Variants in AGBL1 observed in about 807,000 individuals in gnomAD.
The protein encoded by AGBL1 is cytosolic carboxypeptidase 4.
Under a neutral mutation model 118.9 loss-of-function variants are expected in AGBL1, and 130 were observed. The observed-to-expected ratio is 1.09, with a 90% CI of 0.95 to 1.26. The LOEUF is 1.26. Ranked by LOEUF, AGBL1 falls within the 50% of genes most tolerant of loss-of-function variation. The probability of loss-of-function intolerance (pLI) is 0.00; values close to 1 mark genes in which losing one functional copy is unlikely to be tolerated. For synonymous variants in AGBL1, 555 were observed against 478.9 expected, an observed-to-expected ratio of 1.16 and a Z score of -2.08; for missense variants, 1,584 against 1,298.1, an observed-to-expected ratio of 1.22 and a Z score of -3.38.
At chr15:87,012,485 A>T (rs930181546) in intron 24 of AGBL1, among the ~76,000 whole-genome samples, 11 of 152,134 alleles carry the variant, frequency 7.2e-5, no homozygotes, top group Non-Finnish European at 1.3e-4. Context: ...GTTAAGACAT[A>T]ATCATTTTAC....
At chr15:86,149,067 A>C (rs143059913) in intron 3 of AGBL1, among the ~76,000 whole-genome samples, 1,970 of 152,326 alleles carry the variant, frequency 0.013, 25 homozygotes, top group East Asian at 0.062. Context: ...TTTTACAGAC[A>C]AGAAAATGCT....
At chr15:86,196,711 A>G (rs773693736) in intron 5 of AGBL1, among the ~76,000 whole-genome samples, 1 of 152,078 alleles carries the variant, frequency 6.6e-6, no homozygotes, top group Non-Finnish European at 1.5e-5. Flanking sequence ...CTAACCCCCA[A>G]TGTTACTGTA....
chr15:86,432,526 T>C (rs1416970675), intron 18 of AGBL1, among the ~76,000 whole-genome samples: 5 of 152,370 alleles, frequency 3.3e-5, no homozygotes, highest in Admixed American at 2.6e-4. Flanking sequence ...TTGTATTCTA[T>C]TAAGAGAGCT....
intron 5 of AGBL1, among the ~76,000 whole-genome samples, chr15:86,218,301 G>T (rs1235696414): frequency 6.6e-6 from 1 of 152,146 alleles, no homozygotes; most frequent in Admixed American, 6.5e-5. Context: ...AAGGGTGCAT[G>T]TTCAACTTCT....
At chr15:86,342,542 C>T (rs200715807) in intron 17 of AGBL1, among the ~76,000 whole-genome samples, 2 of 152,096 alleles carry the variant, frequency 1.3e-5, no homozygotes, top group Non-Finnish European at 1.5e-5. Context: ...CATGTGGATG[C>T]CTGCTGTTTA....
At chr15:86,230,671 G>C (rs75144600) in intron 6 of AGBL1, among the ~76,000 whole-genome samples, 1 of 152,216 alleles carries the variant, frequency 6.6e-6, no homozygotes, top group Non-Finnish European at 1.5e-5. Flanking sequence ...CTTCAAGGCT[G>C]TCTCATCCAG....
In AGBL1 at chr15:86,735,037, AGTG is replaced by A. The variant is rs1288237404; in HGVS notation, c.3158+60602_3158+60604del. Among the ~76,000 whole-genome samples, 1,097 of 152,018 alleles carry A rather than the reference AGTG, an allele frequency of 7.2e-3. 5 individuals carry two copies. The highest frequency in any genetic ancestry group is 0.023 in the African/African-American group (932 of 41,420). On this transcript the variant is annotated intron_variant, in intron 22 of 22. Coordinates refer to ENST00000614907, the MANE Select transcript of AGBL1 (RefSeq NM_001386094.1). ...TGATATGTTCATAGGCATCATACTC[AGTG>A]TGAAATAAAGATGTTGTTTCTTGGC...
At chr15:86,518,847 G>A (rs1055179493) in intron 18 of AGBL1, among the ~76,000 whole-genome samples, 6 of 151,662 alleles carry the variant, frequency 4.0e-5, no homozygotes, top group Middle Eastern at 3.4e-3. Context: ...CATTTGTTGA[G>A]AGAGTTACAG....
At chr15:86,784,447 A>G (rs1567172548) in intron 22 of AGBL1, among the ~76,000 whole-genome samples, 1 of 152,218 alleles carries the variant, frequency 6.6e-6, no homozygotes, top group East Asian at 1.9e-4. Context: ...TTTACTGTGA[A>G]TAAAAATCCC....
At chr15:86,818,466 T>C (rs1267952162) in intron 22 of AGBL1, among the ~76,000 whole-genome samples, 1 of 152,196 alleles carries the variant, frequency 6.6e-6, no homozygotes, top group Admixed American at 6.5e-5. Flanking sequence ...TAATGCCTAA[T>C]GATCTGAGGT....
intron 17 of AGBL1, among the ~76,000 whole-genome samples, chr15:86,359,821 A>G (rs948288479): frequency 6.6e-6 from 1 of 151,858 alleles, no homozygotes; most frequent in African/African-American, 2.4e-5. Context: ...TGCTGCTATT[A>G]TGAGTGGGGT....
In AGBL1 at chr15:86,827,352, T is replaced by C. The variant is rs12907143; in HGVS notation, c.3159-79735T>C. ...ATATATATATATGTGTATATATATA[T>C]ATATATATATGTGTGTGTATATATA... On this transcript the variant is annotated intron_variant, in intron 22 of 22. Transcript: ENST00000614907. 4.3e-3 allele frequency among the ~76,000 whole-genome samples: 42 copies of C among 9,658 alleles called. 6 individuals carry two copies. The highest frequency in any genetic ancestry group is 0.1 in the Middle Eastern group (2 of 20). 6.3% of individuals were successfully genotyped at this position (9,658 alleles called of 152,430 possible).
chr15:86,238,639 T>A (rs1167824123), intron 6 of AGBL1, among the ~76,000 whole-genome samples: 3 of 152,156 alleles, frequency 2.0e-5, no homozygotes, highest in African/African-American at 7.2e-5. Flanking sequence ...TCAGTTACAA[T>A]GAAAACATCA....
At chr15:86,598,299 AT>A (rs1175188329) in intron 21 of AGBL1, among the ~76,000 whole-genome samples, 36 of 152,278 alleles carry the variant, frequency 2.4e-4, no homozygotes, top group Non-Finnish European at 8.8e-5. Flanking sequence ...TCTTGACACT[AT>A]GACTAAAATG....
intron 24 of AGBL1, among the ~76,000 whole-genome samples, chr15:87,027,510 CATTATATAGATAT>C (rs2081743554): frequency 2.1e-5 from 2 of 93,400 alleles, no homozygotes; most frequent in African/African-American, 1.0e-4. Context: ...TTATATAATA[CATTATATAGATAT>C]GTATTATATA....
At chr15:86,632,075 G>C (rs1001763023) in intron 21 of AGBL1, among the ~76,000 whole-genome samples, 2 of 150,902 alleles carry the variant, frequency 1.3e-5, no homozygotes, top group African/African-American at 2.4e-5. Flanking sequence ...GGCAGTCTGC[G>C]CAAGCCTAGG....
intron 18 of AGBL1, among the ~76,000 whole-genome samples, chr15:86,460,293 G>T (rs1162959159): frequency 9.7e-6 from 1 of 103,224 alleles, no homozygotes; most frequent in African/African-American, 3.5e-5. Context: ...ATCAACCTGG[G>T]CAACATAGAA....
intron 21 of AGBL1, among the ~76,000 whole-genome samples, chr15:86,563,693 T>C (rs1332030194): frequency 1.3e-5 from 2 of 152,170 alleles, no homozygotes; most frequent in East Asian, 3.8e-4. Flanking sequence ...CCTTTTTAAC[T>C]TTCTGTCTTG....
intron 17 of AGBL1, among the ~76,000 whole-genome samples, chr15:86,374,347 C>T (rs2081008271): frequency 6.6e-6 from 1 of 152,132 alleles, no homozygotes; most frequent in Non-Finnish European, 1.5e-5. Context: ...AATGACTGCC[C>T]TACAGGTCTG....
Sources: gnomAD v4.1 joint callset for allele counts (sites outside exome capture counted in the v4.1 genomes callset) on GRCh38, gnomAD v4.1.1 for gene constraint, MANE v1.5 for transcripts, NCBI Gene and HGNC (gene_info 2026-07-23, HGNC 2026-07-21) for gene names.